P4HA1: variants seen among roughly 807,000 people sequenced by gnomAD.
The protein encoded by P4HA1 is prolyl 4-hydroxylase subunit alpha 1, also known as prolyl 4-hydroxylase subunit alpha-1.
A neutral mutation model predicts 72.8 loss-of-function variants in P4HA1; 24 were observed. That is an observed-to-expected ratio of 0.33 (90% CI 0.24 to 0.46). The LOEUF (loss-of-function observed/expected upper bound fraction) is 0.46, where lower values mean the gene tolerates loss of function less well. Ranked by LOEUF, P4HA1 falls within the 20% of genes least tolerant of loss-of-function variation. The pLI is 1.00. For missense variants in P4HA1, 446 were observed against 640.6 expected, an observed-to-expected ratio of 0.70 and a Z score of 3.28; for synonymous variants, 201 against 218.8, an observed-to-expected ratio of 0.92 and a Z score of 0.72.
chr10:73,096,310 G>A (rs1052540138), intron 1 of P4HA1, among the ~76,000 whole-genome samples: 2 of 152,138 alleles, frequency 1.3e-5, no homozygotes, highest in African/African-American at 4.8e-5. Context: ...CTTAAAATCC[G>A]CTCTCCACCG....
At chr10:73,023,116 G>A (rs1840175483) in intron 10 of P4HA1, among the ~76,000 whole-genome samples, 1 of 152,118 alleles carries the variant, frequency 6.6e-6, no homozygotes, top group Non-Finnish European at 1.5e-5. Flanking sequence ...AGCAAGGCAG[G>A]CCAACAGTCA....
chr10:73,014,082 A>G lies in P4HA1; in HGVS notation c.1368+142T>C, dbSNP rs1265573090. The G allele has an allele frequency of 6.4e-6, 4 of 623,356 alleles. No homozygotes were observed. In the African/African-American group the frequency reaches 7.4e-5, roughly 12 times the overall value. 38.6% of individuals were successfully genotyped at this position (623,356 alleles called of 1,614,324 possible). A position where few individuals can be genotyped will look rare whatever the true frequency, so the allele number is the denominator to read the frequency against. ...AGCCTGAAAAAGTTGCAAGTGCAAA[A>G]TAATTCTTAACTCACTTTATTCAGT... On this transcript the variant is annotated intron_variant, in intron 12 of 14. Transcript: ENST00000394890.
intron 10 of P4HA1, among the ~76,000 whole-genome samples, chr10:73,028,015 G>A (rs1840332137): frequency 6.6e-6 from 1 of 152,126 alleles, no homozygotes; most frequent in Non-Finnish European, 1.5e-5. Context: ...TATCAAAAAT[G>A]TTGTTGGATG....
At chr10:73,028,837 G>A (rs1003453140) in intron 10 of P4HA1, among the ~76,000 whole-genome samples, 3 of 151,754 alleles carry the variant, frequency 2.0e-5, no homozygotes, top group African/African-American at 7.3e-5. Context: ...TTGAGGCCAG[G>A]AGTTCAAGAC....
rs536168166 is a variant in P4HA1, at chr10:73,030,361, G to C, written c.1158C>G (p.Leu386=). 19 of 1,553,118 alleles carry C rather than the reference G, an allele frequency of 1.2e-5. No homozygotes were observed. Among genetic ancestry groups the C allele is most frequent in the South Asian group, 2.4e-5 (2 of 84,406 alleles). The change falls in exon 10 of 15, where the codon CTC becomes CTG. Residue 386 remains leucine, a synonymous_variant. Coordinates refer to ENST00000394890, the MANE Select transcript of P4HA1 (RefSeq NM_001017962.3). ...VHYRISKSAW[L]SGYENPVVSR... ...ACACCACAGGATTTTCATAGCCAGAGAGCCAGGCACTAAGAATAAGAGGAA... is the reference window on the plus strand; with the variant it reads ...ACACCACAGGATTTTCATAGCCAGACAGCCAGGCACTAAGAATAAGAGGAA...
intron 1 of P4HA1, among the ~76,000 whole-genome samples, chr10:73,083,201 G>A (rs188518360): frequency 8.5e-5 from 13 of 152,250 alleles, no homozygotes; most frequent in African/African-American, 3.1e-4. Context: ...AATTGCCATT[G>A]TTTTTACTTA....
intron 5 of P4HA1, among the ~76,000 whole-genome samples, chr10:73,056,009 GGGA>G (rs937890378): frequency 9.9e-5 from 15 of 152,186 alleles, no homozygotes; most frequent in African/African-American, 3.4e-4. Flanking sequence ...ACCTAATAGT[GGGA>G]GGAAGCAGCA....
chr10:73,029,677 ATTATACATG>A (rs1840388482), intron 10 of P4HA1, among the ~76,000 whole-genome samples: 1 of 151,050 alleles, frequency 6.6e-6, no homozygotes, highest in Admixed American at 6.6e-5. Flanking sequence ...AAGTGAGATT[ATTATACATG>A]GATTTTATGT....
intron 5 of P4HA1, among the ~76,000 whole-genome samples, chr10:73,068,338 C>T (rs750911858): frequency 1.3e-4 from 20 of 151,926 alleles, no homozygotes; most frequent in African/African-American, 3.4e-4. Flanking sequence ...AAGTGAGGGA[C>T]GGCAAAAGTA....
At chr10:73,090,447 T>C (rs1842005007) in intron 1 of P4HA1, among the ~76,000 whole-genome samples, 1 of 152,238 alleles carries the variant, frequency 6.6e-6, no homozygotes, top group East Asian at 1.9e-4. Context: ...AGGATACTCT[T>C]GAAGGTGATG....
chr10:73,057,382 T>C (rs1423573117), intron 5 of P4HA1, among the ~76,000 whole-genome samples: 1 of 151,626 alleles, frequency 6.6e-6, no homozygotes, highest in Non-Finnish European at 1.5e-5. Flanking sequence ...CCCAGCTACT[T>C]GGGAAGCTGA....
intron 5 of P4HA1, among the ~76,000 whole-genome samples, chr10:73,061,669 G>C (rs1263214086): frequency 6.6e-6 from 1 of 152,138 alleles, no homozygotes; most frequent in Non-Finnish European, 1.5e-5. Context: ...GGGAGGCTAA[G>C]GCAGGAGGAA....
intron 1 of P4HA1, among the ~76,000 whole-genome samples, chr10:73,080,658 C>G (rs1841801912): frequency 1.3e-5 from 2 of 152,142 alleles, no homozygotes; most frequent in African/African-American, 2.4e-5. Flanking sequence ...CATGGTGGCT[C>G]ACACCTGTAA....
intron 5 of P4HA1, among the ~76,000 whole-genome samples, chr10:73,054,312 A>T (rs1841086072): frequency 6.6e-6 from 1 of 152,242 alleles, no homozygotes; most frequent in African/African-American, 2.4e-5. Flanking sequence ...TTTAAACAGC[A>T]TTAATATGTC....
intron 14 of P4HA1, among the ~76,000 whole-genome samples, chr10:73,009,310 CTG>C (rs1839860643): frequency 6.6e-6 from 1 of 152,192 alleles, no homozygotes; most frequent in African/African-American, 2.4e-5. Flanking sequence ...ATGTCCCTGA[CTG>C]AGAGTGAGTG....
At chr10:73,079,978 G>A (rs1841786067) in intron 1 of P4HA1, among the ~76,000 whole-genome samples, 1 of 152,132 alleles carries the variant, frequency 6.6e-6, no homozygotes, top group Non-Finnish European at 1.5e-5. Flanking sequence ...GAGTTGCTAA[G>A]CTCAGAGGAT....
Position 73,068,964 on chromosome 10 carries a change from G to A in P4HA1, c.345C>T (p.Thr115=), listed in dbSNP as rs760443154. Residue 115 remains threonine (T), a synonymous_variant, in exon 5 of 15, where the codon ACC becomes ACT. Transcript: ENST00000394890. ...CATTAGGAAAGTACTGTCTCTGAAT[G>A]GTTAGGTTAGAGATAAAGCCTTGAA... ...DMSDGFISNL[T]IQRQYFPNDE... is the part of the protein sequence containing the mutation. 6.2e-7 allele frequency: 1 copy of A among 1,612,298 alleles called. No homozygotes were observed. The highest frequency in any genetic ancestry group is 8.5e-7 in the Non-Finnish European group (1 of 1,178,630).
At chr10:73,063,204 G>A (rs922516569) in intron 5 of P4HA1, among the ~76,000 whole-genome samples, 2 of 152,182 alleles carry the variant, frequency 1.3e-5, no homozygotes, top group Non-Finnish European at 2.9e-5. Context: ...TCTAGAGGCT[G>A]GGTAGTCCAA....
chr10:73,069,132 C>T, intron 4 of P4HA1, 149 bp from the exon 5 acceptor site: 1 of 605,470 alleles, frequency 1.7e-6, no homozygotes, highest in Admixed American at 3.0e-5. Flanking sequence ...AAATTAAATA[C>T]ACTGAATAAG....
Sources: gnomAD v4.1 joint callset for allele counts (sites outside exome capture counted in the v4.1 genomes callset) on GRCh38, gnomAD v4.1.1 for gene constraint, MANE v1.5 for transcripts, NCBI Gene and HGNC (gene_info 2026-07-23, HGNC 2026-07-21) for gene names.